LY75: variants seen among roughly 807,000 people sequenced by gnomAD.
LY75 encodes C-type lectin domain family 13 member B.
In LY75, 185 loss-of-function variants were observed where a neutral mutation model predicts 231.7. The ratio of observed to expected loss-of-function variants is 0.80; its 90% CI spans 0.71 to 0.90. LY75 has a LOEUF of 0.90. LY75 is among the 40% of genes least tolerant of loss of function. The pLI is 0.00. For missense variants in LY75, 1,947 were observed against 2,050.2 expected, an observed-to-expected ratio of 0.95 and a Z score of 0.97; for synonymous variants, 668 against 689.0, an observed-to-expected ratio of 0.97 and a Z score of 0.48.
At chr2:159,833,117 C>G (rs991994953) in intron 27 of LY75, among the ~76,000 whole-genome samples, 3 of 146,922 alleles carry the variant, frequency 2.0e-5, no homozygotes, top group African/African-American at 7.5e-5. Context: ...TGTGTCATTT[C>G]TTTCCCCCTT....
chr2:159,867,194 A>G (rs1481473341), intron 13 of LY75, among the ~76,000 whole-genome samples: 2 of 152,196 alleles, frequency 1.3e-5, no homozygotes, highest in East Asian at 3.8e-4. Context: ...GAACACAGAA[A>G]TTTACAGATT....
At chr2:159,880,924 A>G in intron 8 of LY75, among the ~76,000 whole-genome samples, 159 bp downstream of exon 8, 1 of 152,230 alleles carries the variant, frequency 6.6e-6, no homozygotes, top group East Asian at 1.9e-4. Context: ...TGTGCGGCCC[A>G]ATTCTTAACA....
In LY75 at chr2:159,867,396, A is replaced by G. The variant is rs1384433435; in HGVS notation, c.2118-2476T>C. ...TTGGATATCACATTGATCATTGCAC[A>G]CTTCCAATGTTGATTTTAGAAAATG... On this transcript the variant is annotated intron_variant, in intron 13 of 34. Coordinates refer to ENST00000263636, the MANE Select transcript of LY75 (RefSeq NM_002349.4). Among the ~76,000 whole-genome samples the G allele has an allele frequency of 3.3e-5, 5 of 152,206 alleles. No individual in the cohort carries two copies. In the East Asian group the frequency reaches 9.6e-4, roughly 29 times the overall value.
intron 12 of LY75, among the ~76,000 whole-genome samples, chr2:159,874,635 A>T (rs187744853): frequency 1.4e-3 from 27 of 19,684 alleles, no homozygotes; most frequent in South Asian, 8.8e-3. Context: ...TAGTAAATAT[A>T]TGTAAATATA....
At chr2:159,848,903 G>A (rs1015242840) in intron 23 of LY75, among the ~76,000 whole-genome samples, 1 of 152,076 alleles carries the variant, frequency 6.6e-6, no homozygotes, top group Non-Finnish European at 1.5e-5. Context: ...ACATATCAGA[G>A]TGCATAAATT....
rs1054692132 is a variant in LY75, at chr2:159,882,191, A to G, written c.1179T>C (p.Ser393=). The G allele has an allele frequency of 3.1e-6, 5 of 1,614,076 alleles. No individual in the cohort carries two copies. Among genetic ancestry groups the G allele is most frequent in the Non-Finnish European group, 4.2e-6 (5 of 1,179,940 alleles). Residue 393 remains serine, a synonymous_variant, in exon 7 of 35, where the codon AGT becomes AGC. Transcript: ENST00000263636. ...DKAHAKCKAF[S]SDLISIHSLA... is the part of the protein sequence containing the mutation. ...GAGAATGAATGCTGATTAGGTCACT[A>G]CTGAAGGCTTTGCATTTCGCATGTG...
chr2:159,809,107 C>A (rs1226173071), intron 32 of LY75, among the ~76,000 whole-genome samples: 1 of 152,206 alleles, frequency 6.6e-6, no homozygotes, highest in Non-Finnish European at 1.5e-5. Context: ...GGTTCCCACA[C>A]AAAAGTTCCC....
rs569714140 is a variant in LY75 at position 159,869,567 on chromosome 2, C to T, written c.2117+2884G>A. Among the ~76,000 whole-genome samples the T allele has an allele frequency of 9.2e-5, 14 of 152,232 alleles. No individual in the cohort carries two copies. The South Asian group carries it at 1.7e-3, about 18-fold the overall frequency. On this transcript the variant is annotated intron_variant, in intron 13 of 34. Coordinates refer to ENST00000263636, the MANE Select transcript of LY75 (RefSeq NM_002349.4). ...TTCTCAAGAGTGTATTAGAATCTTG[C>T]GAGGCCGCAGCCTGTATCTTAGTAG...
chr2:159,878,625 G>T lies in LY75; in HGVS notation c.1604+8C>A. On this transcript the variant is annotated splice_region_variant and intron_variant, in intron 10 of 34. Coordinates refer to ENST00000263636, the MANE Select transcript of LY75 (RefSeq NM_002349.4). ...AGTTTATGAGTACAAGTTTACTGATGGTCACACCTGCTAGTGATAGTCAGA... is the reference window on the plus strand; with the variant it reads ...AGTTTATGAGTACAAGTTTACTGATTGTCACACCTGCTAGTGATAGTCAGA... The T allele has an allele frequency of 1.2e-6, 2 of 1,613,910 alleles. No homozygotes were observed. The highest frequency in any genetic ancestry group is 2.2e-5 in the South Asian group (2 of 91,048).
chr2:159,860,897 G>A lies in LY75; in HGVS notation c.2200-8C>T. 6.2e-7 allele frequency: 1 copy of A among 1,613,828 alleles called. No individual in the cohort carries two copies. ...CATGATAATAGTAGACACCTGAAAAGACAAGAGAGGCTTGAGAATTTAAGA... is the reference window on the plus strand; with the variant it reads ...CATGATAATAGTAGACACCTGAAAAAACAAGAGAGGCTTGAGAATTTAAGA... On this transcript the variant is annotated splice_region_variant and splice_polypyrimidine_tract_variant and intron_variant, in intron 14 of 34. Coordinates refer to ENST00000263636, the MANE Select transcript of LY75 (RefSeq NM_002349.4).
intron 11 of LY75, among the ~76,000 whole-genome samples, chr2:159,877,329 C>T (rs553254320): frequency 6.6e-6 from 1 of 152,256 alleles, no homozygotes; most frequent in South Asian, 2.1e-4. Flanking sequence ...ATAAATAATT[C>T]ACAGGGTGAA....
At chr2:159,903,363 A>G (rs2125889117) in intron 1 of LY75, 1 of 152,304 alleles carries the variant, frequency 6.6e-6, no homozygotes, top group Middle Eastern at 3.4e-3. Flanking sequence ...GCTGCAGTGA[A>G]CTTTTCCACC....
intron 23 of LY75, among the ~76,000 whole-genome samples, chr2:159,846,145 T>C (rs1684195794): frequency 6.6e-6 from 1 of 151,838 alleles, no homozygotes; most frequent in Non-Finnish European, 1.5e-5. Flanking sequence ...TGGCTAGGAT[T>C]AGGGAAAATA....
intron 14 of LY75, among the ~76,000 whole-genome samples, chr2:159,863,118 T>C (rs1684763060): frequency 1.3e-5 from 2 of 151,742 alleles, no homozygotes; most frequent in African/African-American, 2.4e-5. Context: ...GGGTCACCCA[T>C]GTTGTCACAA....
intron 29 of LY75, 26 bp downstream of exon 29, chr2:159,819,700 A>G (rs1446693570): frequency 6.4e-7 from 1 of 1,572,788 alleles, no homozygotes; most frequent in East Asian, 2.2e-5. Context: ...GGAGTGAAAG[A>G]AAACTCTATA....
At position 159,834,214 on chromosome 2, in the gene LY75, A is replaced by G. The variant is rs1013643329; in HGVS notation, c.3674-3T>C. On this transcript the variant is annotated splice_polypyrimidine_tract_variant and splice_region_variant and intron_variant, in intron 26 of 34. Transcript: ENST00000263636. Reference sequence around the variant, plus strand: ...TTTGACCTCTTTTTCAGTCTCATCTAGAAAAAGAGTTAATGGTAAGAATTC... The same window carrying G: ...TTTGACCTCTTTTTCAGTCTCATCTGGAAAAAGAGTTAATGGTAAGAATTC... 5.0e-6 allele frequency: 8 copies of G among 1,613,386 alleles called. No homozygotes were observed. The highest frequency in any genetic ancestry group is 1.1e-5 in the South Asian group (1 of 90,918).
intron 14 of LY75, among the ~76,000 whole-genome samples, chr2:159,861,677 G>T (rs1447326012): frequency 6.6e-6 from 1 of 152,270 alleles, no homozygotes; most frequent in South Asian, 2.1e-4. Flanking sequence ...GGTTGAGGCT[G>T]CAGTGAGTCA....
At chr2:159,816,421 G>A (rs1345849011) in intron 30 of LY75, among the ~76,000 whole-genome samples, 3 of 152,192 alleles carry the variant, frequency 2.0e-5, no homozygotes, top group Admixed American at 2.0e-4. Flanking sequence ...TTTTCTACAT[G>A]AGGAAATAAG....
In LY75 at chr2:159,805,180, C is replaced by T; in HGVS notation, c.5033G>A (p.Ser1678Asn). 6.2e-7 allele frequency: 1 copy of T among 1,614,088 alleles called. No homozygotes were observed. The highest frequency in any genetic ancestry group is 8.5e-7 in the Non-Finnish European group (1 of 1,179,984). The change falls in exon 35 of 35, where the codon AGT (serine) becomes AAT (asparagine). Residue 1678 changes from serine to asparagine, a missense_variant. Physicochemically the swap from Ser to Asn is conservative, Grantham distance 46. Transcript: ENST00000263636. ...CAGTCCGCCCATGAGAACTAAGATA[C>T]TTAGTGTGGCAACTATGATAGCTAT... Reference protein sequence around the residue: ...TAIAIIVATLSILVLMGGLIW... With the variant: ...TAIAIIVATLNILVLMGGLIW...
Sources: gnomAD v4.1 joint callset for allele counts (sites outside exome capture counted in the v4.1 genomes callset) on GRCh38, gnomAD v4.1.1 for gene constraint, MANE v1.5 for transcripts, NCBI Gene and HGNC (gene_info 2026-07-23, HGNC 2026-07-21) for gene names.